Variants in TPO observed in about 807,000 individuals in gnomAD.
TPO encodes the protein thyroid peroxidase, also known as thyroid microsomal antigen.
A neutral mutation model predicts 96.9 loss-of-function variants in TPO; 78 were observed. That is an observed-to-expected ratio of 0.81 (90% confidence interval 0.67 to 0.97). The LOEUF is 0.97. TPO is among the 50% of genes least tolerant of loss of function. The pLI is 0.00. For synonymous variants in TPO, 547 were observed against 538.0 expected (o/e 1.02, Z -0.23); for missense variants, 1,252 against 1,274.8 (o/e 0.98, Z 0.27).
chr2:1,418,351 G>C (rs571717310), intron 2 of TPO, among the ~76,000 whole-genome samples: 1 of 151,958 alleles, frequency 6.6e-6, no homozygotes, highest in Non-Finnish European at 1.5e-5. Flanking sequence ...AGTTTAGGTT[G>C]TATCAACTTG....
chr2:1,401,386 A>C (rs1357770899), intron 1 of TPO, among the ~76,000 whole-genome samples: 1 of 152,206 alleles, frequency 6.6e-6, no homozygotes, highest in Non-Finnish European at 1.5e-5. Context: ...CAGGAGCCCC[A>C]GCCACAGGGG....
chr2:1,410,519 A>G (rs1453717243), upstream of TPO, among the ~76,000 whole-genome samples: 2 of 152,232 alleles, frequency 1.3e-5, no homozygotes, highest in Non-Finnish European at 2.9e-5. Context: ...TGCAGGGAGA[A>G]AGGTGGCCTT....
intron 7 of TPO, among the ~76,000 whole-genome samples, chr2:1,473,605 G>A (rs1166578258): frequency 2.0e-5 from 3 of 152,004 alleles, no homozygotes; most frequent in Non-Finnish European, 4.4e-5. Context: ...CATTATTATT[G>A]TAAATGAAAT....
intron 5 of TPO, among the ~76,000 whole-genome samples, chr2:1,450,611 A>AC (rs1667221484): frequency 1.3e-5 from 2 of 152,062 alleles, no homozygotes. Flanking sequence ...TCTCAGAGGG[A>AC]CCCTTCTCAG....
intron 15 of TPO, among the ~76,000 whole-genome samples, chr2:1,526,006 TGTGTGCAACCTCCCCAAATCCGCCC>T (rs1676389864): frequency 1.4e-5 from 1 of 71,660 alleles, no homozygotes. Context: ...AATCCCCCAC[TGTGTGCAACCTCCCCAAATCCGCCC>T]ACTGTGTGCA....
At chr2:1,385,302 A>G (rs1661873491) in intron 1 of TPO, among the ~76,000 whole-genome samples, 1 of 152,066 alleles carries the variant, frequency 6.6e-6, no homozygotes, top group Non-Finnish European at 1.5e-5. Flanking sequence ...TCCTCCTTGT[A>G]CCTCTGGTAG....
At chr2:1,385,280 A>T (rs548902216) in intron 1 of TPO, among the ~76,000 whole-genome samples, 1 of 152,306 alleles carries the variant, frequency 6.6e-6, no homozygotes, top group Non-Finnish European at 1.5e-5. Flanking sequence ...TTTCAGAAGG[A>T]ATGGTACCAG....
chr2:1,510,230 G>A (rs1673957315), intron 14 of TPO, among the ~76,000 whole-genome samples: 1 of 150,966 alleles, frequency 6.6e-6, no homozygotes. Context: ...AGGTAGCGAA[G>A]CTGCCACATT....
rs886054899 is a variant in TPO at position 1,477,325 on chromosome 2, C to T, written c.1059C>T (p.His353=). 5 of 1,564,376 alleles carry T rather than the reference C, an allele frequency of 3.2e-6. No individual in the cohort carries two copies. The East Asian group carries it at 7.1e-5, about 22-fold the overall frequency. ...GTGCCGAAGGGCTGCTCCGCGTCCACGCGCGCCTCCGGGACTCCGGCCGCG... is the reference window on the plus strand; with the variant it reads ...GTGCCGAAGGGCTGCTCCGCGTCCATGCGCGCCTCCGGGACTCCGGCCGCG... ...WTSAEGLLRV[H]ARLRDSGRAY... The change falls in exon 8 of 17, where the codon CAC becomes CAT. Residue 353 remains histidine, a synonymous_variant. Transcript: ENST00000329066.
At chr2:1,402,323 G>C (rs1662184808) in intron 1 of TPO, among the ~76,000 whole-genome samples, 1 of 152,178 alleles carries the variant, frequency 6.6e-6, no homozygotes, top group Admixed American at 6.5e-5. Flanking sequence ...CACAGGGAAG[G>C]CACAGGAAGC....
intron 15 of TPO, among the ~76,000 whole-genome samples, chr2:1,520,593 T>C (rs1487096129): frequency 6.6e-6 from 1 of 152,248 alleles, no homozygotes; most frequent in Non-Finnish European, 1.5e-5. Flanking sequence ...AAATTGTTGA[T>C]ATATTTTCAC....
At chr2:1,422,530 G>A (rs1488772954) in intron 2 of TPO, among the ~76,000 whole-genome samples, 2 of 152,196 alleles carry the variant, frequency 1.3e-5, no homozygotes, top group African/African-American at 2.4e-5. Flanking sequence ...GAACATGGCC[G>A]GAAACACTTG....
At chr2:1,409,826 A>G (rs1316424747), upstream of TPO, among the ~76,000 whole-genome samples, 1 of 152,008 alleles carries the variant, frequency 6.6e-6, no homozygotes, top group Non-Finnish European at 1.5e-5. Flanking sequence ...GTGCACATAC[A>G]CACACAAGCC....
Position 1,457,547 on chromosome 2 carries a change from T to C in TPO, c.819+1265T>C, listed in dbSNP as rs28630635. On this transcript the variant is annotated intron_variant, in intron 7 of 16. Coordinates refer to ENST00000329066, the MANE Select transcript of TPO (RefSeq NM_001206744.2). ...TACACATATATAGCATGTATGATCG[T>C]GTGTGGGCAGATGTGTACATAGCAT... 2.4e-3 allele frequency among the ~76,000 whole-genome samples: 318 copies of C among 130,828 alleles called. 6 individuals carry two copies. Among genetic ancestry groups the C allele is most frequent in the African/African-American group, 8.7e-3 (296 of 33,836 alleles). The allele number at this position is 130,828 out of a possible 152,430, so 85.8% of individuals were successfully genotyped here.
At chr2:1,438,159 C>A (rs1665776455) in intron 5 of TPO, among the ~76,000 whole-genome samples, 1 of 150,198 alleles carries the variant, frequency 6.7e-6, no homozygotes, top group Admixed American at 6.6e-5. Flanking sequence ...GTCTAACGTG[C>A]AGGTACATGT....
chr2:1,490,902 T>C (rs1401927494), intron 10 of TPO, among the ~76,000 whole-genome samples: 1 of 152,204 alleles, frequency 6.6e-6, no homozygotes, highest in Non-Finnish European at 1.5e-5. Context: ...CTGGGCACAG[T>C]GGCTCACGCC....
At chr2:1,524,469 CA>C (rs1304490354) in intron 15 of TPO, among the ~76,000 whole-genome samples, 1 of 116,726 alleles carries the variant, frequency 8.6e-6, no homozygotes, top group African/African-American at 3.3e-5. Flanking sequence ...CCCCAAATCC[CA>C]CCCACTGTGT....
At chr2:1,421,848 C>T (rs1368804345) in intron 2 of TPO, among the ~76,000 whole-genome samples, 2 of 152,204 alleles carry the variant, frequency 1.3e-5, no homozygotes, top group Admixed American at 1.3e-4. Flanking sequence ...TTGGTGGCAT[C>T]GTCCCACATT....
At chr2:1,497,683 A>G (rs1035917753) in intron 13 of TPO, among the ~76,000 whole-genome samples, 3 of 152,178 alleles carry the variant, frequency 2.0e-5, no homozygotes, top group African/African-American at 7.2e-5. Context: ...AATCTTTAGA[A>G]GGCCAACCAG....
Sources: gnomAD v4.1 joint callset for allele counts (sites outside exome capture counted in the v4.1 genomes callset) on GRCh38, gnomAD v4.1.1 for gene constraint, MANE v1.5 for transcripts, NCBI Gene and HGNC (gene_info 2026-07-23, HGNC 2026-07-21) for gene names.